Variants in MCPH1 observed in about 807,000 individuals in gnomAD.
The protein encoded by MCPH1 is microcephalin.
MCPH1 carries 104 observed loss-of-function variants against 84.5 expected under a neutral mutation model. The observed-to-expected ratio is 1.23, with a 90% confidence interval of 1.05 to 1.45. MCPH1 has a LOEUF of 1.45. Ranked by LOEUF, MCPH1 falls within the 40% of genes most tolerant of loss-of-function variation. The pLI, the probability that MCPH1 is intolerant of heterozygous loss-of-function variation, is 0.00. For synonymous variants in MCPH1, 514 were observed against 366.8 expected (o/e 1.40, Z -4.58); for missense variants, 1,498 against 1,005.7 (o/e 1.49, Z -6.62).
intron 3 of MCPH1, among the ~76,000 whole-genome samples, chr8:6,415,939 G>T (rs1799223072): frequency 6.6e-6 from 1 of 152,094 alleles, no homozygotes; most frequent in Non-Finnish European, 1.5e-5. Flanking sequence ...CATGAAAATG[G>T]GATGTGTTTC....
chr8:6,506,647 AG>A (rs1813785425), intron 12 of MCPH1, among the ~76,000 whole-genome samples: 1 of 152,140 alleles, frequency 6.6e-6, no homozygotes, highest in Admixed American at 6.5e-5. Context: ...TGATTGTGCC[AG>A]GATGAAGGAA....
At chr8:6,417,734 G>T (rs1227556246) in intron 3 of MCPH1, among the ~76,000 whole-genome samples, 1 of 152,040 alleles carries the variant, frequency 6.6e-6, no homozygotes, top group African/African-American at 2.4e-5. Context: ...CTATTACCTC[G>T]ATGAGTGTAG....
At chr8:6,624,397 T>TGTAGTGGGCGTCTCCAGC (rs538328755) in intron 13 of MCPH1, among the ~76,000 whole-genome samples, 7 of 152,190 alleles carry the variant, frequency 4.6e-5, no homozygotes, top group African/African-American at 9.6e-5. Context: ...CAGACCCCAG[T>TGTAGTGGGCGTCTCCAGC]GTAGTGGGCG....
rs1798068793 is a variant in MCPH1 at position 6,643,592 on chromosome 8, A to G, written c.*543A>G. On this transcript the variant is annotated 3_prime_UTR_variant, in exon 14 of 14. Coordinates refer to ENST00000344683, the MANE Select transcript of MCPH1 (RefSeq NM_024596.5). ...GTCACAGAACCTTTGTCATTAGAGC[A>G]CAGTACTGCCAAATAAAGAATGGAA... is the stretch of plus-strand genomic sequence containing the variant. The G allele has an allele frequency of 6.1e-6, 1 of 164,348 alleles. No homozygotes were observed. Among genetic ancestry groups the G allele is most frequent in the Admixed American group, 5.7e-5 (1 of 17,688 alleles). The allele number at this position is 164,348 out of a possible 1,614,324, so 10.2% of individuals were successfully genotyped here.
chr8:6,622,125 C>A lies in MCPH1; in HGVS notation c.2452+434C>A, dbSNP rs28519374. 4.1e-3 allele frequency: 1,216 copies of A among 293,374 alleles called. 12 individuals are homozygous for A. The highest frequency in any genetic ancestry group is 0.025 in the African/African-American group (1,142 of 46,222). The allele number at this position is 293,374 out of a possible 1,614,324, so 18.2% of individuals were successfully genotyped here. A position where few individuals can be genotyped will look rare whatever the true frequency, so the allele number is the denominator to read the frequency against. On this transcript the variant is annotated intron_variant, in intron 13 of 13. Transcript: ENST00000344683. Reference sequence around the variant, plus strand: ...GTCATCTCCTCTCCCAGGTACATCTCATGATCACTCCGTCTGCTCATGTGC... The same window carrying A: ...GTCATCTCCTCTCCCAGGTACATCTAATGATCACTCCGTCTGCTCATGTGC...
intron 12 of MCPH1, among the ~76,000 whole-genome samples, chr8:6,556,558 C>T (rs1824641713): frequency 6.6e-6 from 1 of 152,184 alleles, no homozygotes; most frequent in African/African-American, 2.4e-5. Context: ...TGCTACACTA[C>T]ACGTTCTGAC....
rs186239547 is a variant in MCPH1 at position 6,647,618 on chromosome 8, A to G, written c.*4569A>G. ...CAAACTACTAAACACGTGCAACAACATGAATGAGCCTCAGAAACATAAGTG... is the reference window on the plus strand; with the variant it reads ...CAAACTACTAAACACGTGCAACAACGTGAATGAGCCTCAGAAACATAAGTG... On this transcript the variant is annotated 3_prime_UTR_variant, in exon 14 of 14. Transcript: ENST00000344683. The G allele has an allele frequency of 6.6e-6, 1 of 152,220 alleles. No homozygotes were observed. Among genetic ancestry groups the G allele is most frequent in the Admixed American group, 6.5e-5 (1 of 15,302 alleles). 9.4% of individuals were successfully genotyped at this position (152,220 alleles called of 1,614,324 possible).
chr8:6,555,465 C>CTTTTT (rs530250678), intron 12 of MCPH1, among the ~76,000 whole-genome samples: 1,718 of 142,602 alleles, frequency 0.012, 42 homozygotes, highest in African/African-American at 0.043. Context: ...GTGGTTTGCC[C>CTTTTT]TTTTTTTTTT....
chr8:6,519,694 T>TAGAGCCCTTGGCAAGCACTC (rs1351189659), intron 12 of MCPH1, among the ~76,000 whole-genome samples: 5 of 152,230 alleles, frequency 3.3e-5, no homozygotes, highest in Non-Finnish European at 7.3e-5. Flanking sequence ...CAGCGGCACT[T>TAGAGCCCTTGGCAAGCACTC]AGAGCCCTTG....
At chr8:6,581,621 G>C (rs2515524) in intron 12 of MCPH1, among the ~76,000 whole-genome samples, 134,054 of 152,244 alleles carry the variant, frequency 0.88, 59,098 homozygotes, top group East Asian at 0.99. Flanking sequence ...AAGAAAACAC[G>C]CAGACTGTGT....
chr8:6,408,891 CT>C (rs112280128), intron 1 of MCPH1, among the ~76,000 whole-genome samples: 3 of 77,190 alleles, frequency 3.9e-5, no homozygotes, highest in Admixed American at 1.5e-4. Context: ...TTACTTTTTT[CT>C]TTTTTTTTTT....
chr8:6,474,832 C>G (rs1047811904), intron 9 of MCPH1, among the ~76,000 whole-genome samples: 14 of 152,072 alleles, frequency 9.2e-5, no homozygotes, highest in Non-Finnish European at 2.1e-4. Context: ...GAGACCCCAT[C>G]TTAAAAAATA....
At chr8:6,595,838 T>C (rs1023561260) in intron 12 of MCPH1, among the ~76,000 whole-genome samples, 3 of 152,126 alleles carry the variant, frequency 2.0e-5, no homozygotes, top group African/African-American at 7.2e-5. Flanking sequence ...TCAGATACAA[T>C]TGGGCAGGCA....
At chr8:6,598,930 C>A (rs1302900326) in intron 12 of MCPH1, among the ~76,000 whole-genome samples, 8 of 152,238 alleles carry the variant, frequency 5.3e-5, no homozygotes, top group African/African-American at 1.9e-4. Flanking sequence ...TGTGCACACA[C>A]GCACATGCAG....
chr8:6,522,126 C>A (rs1164412407), intron 12 of MCPH1, among the ~76,000 whole-genome samples: 2 of 152,110 alleles, frequency 1.3e-5, no homozygotes, highest in Non-Finnish European at 2.9e-5. Context: ...GAGGCCGAGG[C>A]GGGCGGATCA....
At chr8:6,459,464 G>T (rs1407590669) in intron 9 of MCPH1, among the ~76,000 whole-genome samples, 1 of 152,110 alleles carries the variant, frequency 6.6e-6, no homozygotes, top group East Asian at 1.9e-4. Context: ...TAAGGTATTA[G>T]ATTCTATTAA....
At chr8:6,638,653 A>G (rs904134603) in intron 13 of MCPH1, among the ~76,000 whole-genome samples, 2 of 151,404 alleles carry the variant, frequency 1.3e-5, no homozygotes, top group Admixed American at 1.3e-4. Flanking sequence ...CTTCCTATTC[A>G]TCTCTGTCTC....
rs758015103 is a variant in MCPH1, at chr8:6,444,885, G to A, written c.1163G>A (p.Cys388Tyr). 1 of 1,614,146 alleles carries A rather than the reference G, an allele frequency of 6.2e-7. No homozygotes were observed. Among genetic ancestry groups the A allele is most frequent in the Admixed American group, 1.7e-5 (1 of 60,026 alleles). The change falls in exon 8 of 14, where the codon TGC (cysteine) becomes TAC (tyrosine). Residue 388 changes from cysteine (C) to tyrosine (Y), a missense_variant. Coordinates refer to ENST00000344683, the MANE Select transcript of MCPH1 (RefSeq NM_024596.5). ...RRSIMPRLQL[C>Y]RSEDRLQHVA... Reference sequence around the variant, plus strand: ...TCTATCATGCCGAGGCTGCAGCTGTGCAGGTCGGAAGACAGGCTGCAGCAC... The same window carrying A: ...TCTATCATGCCGAGGCTGCAGCTGTACAGGTCGGAAGACAGGCTGCAGCAC...
chr8:6,489,558 A>G (rs555477961), intron 11 of MCPH1, among the ~76,000 whole-genome samples: 1 of 152,356 alleles, frequency 6.6e-6, no homozygotes, highest in Admixed American at 6.5e-5. Context: ...AGTCAATGGT[A>G]CATAAAGCAG....
Sources: allele counts gnomAD v4.1 joint callset (sites outside exome capture counted in the v4.1 genomes callset), GRCh38; gene constraint gnomAD v4.1.1; transcripts MANE v1.5; gene names NCBI Gene and HGNC (gene_info 2026-07-23, HGNC 2026-07-21).